RIPOR2: variants seen among roughly 807,000 people sequenced by gnomAD.
The protein encoded by RIPOR2 is RHO family interacting cell polarization regulator 2.
RIPOR2 carries 39 observed loss-of-function variants against 114.5 expected under a neutral mutation model. That is an observed-to-expected ratio of 0.34 (90% CI 0.26 to 0.44). The LOEUF (loss-of-function observed/expected upper bound fraction) is 0.44. Among genes scored for constraint, RIPOR2 ranks in the 20% least tolerant of loss-of-function variants. RIPOR2 has a pLI of 1.00. For synonymous variants in RIPOR2, 445 were observed against 484.4 expected, an observed-to-expected ratio of 0.92 and a Z score of 1.07; for missense variants, 1,007 against 1,255.1, an observed-to-expected ratio of 0.80 and a Z score of 2.99.
intron 1 of RIPOR2, among the ~76,000 whole-genome samples, chr6:24,945,061 C>A (rs1348385155): frequency 1.3e-5 from 2 of 151,770 alleles, no homozygotes; most frequent in African/African-American, 2.4e-5. Context: ...GTGATGGATA[C>A]CCCAATTACT....
chr6:24,938,601 C>T (rs1022671453), upstream of RIPOR2, among the ~76,000 whole-genome samples: 17 of 152,174 alleles, frequency 1.1e-4, no homozygotes, highest in African/African-American at 3.4e-4. Context: ...CTCACAGGGA[C>T]GCTTAGGATA....
intron 1 of RIPOR2, among the ~76,000 whole-genome samples, chr6:24,945,079 G>C (rs1011799643): frequency 6.6e-6 from 1 of 151,938 alleles, no homozygotes; most frequent in African/African-American, 2.4e-5. Flanking sequence ...ACTCTGATTT[G>C]TATATATTCC....
intron 20 of RIPOR2, among the ~76,000 whole-genome samples, chr6:24,817,978 C>CTTTTT (rs57294288): frequency 1.0e-4 from 12 of 118,366 alleles, no homozygotes; most frequent in African/African-American, 3.7e-4. Context: ...CTCTCTCTCT[C>CTTTTT]TTTTTTTTTG....
chr6:24,940,552 T>C (rs1388218159), upstream of RIPOR2, among the ~76,000 whole-genome samples: 3 of 152,148 alleles, frequency 2.0e-5, no homozygotes, highest in East Asian at 3.8e-4. Context: ...AATAATCTTA[T>C]CTTTGGGTAA....
intron 1 of RIPOR2, among the ~76,000 whole-genome samples, chr6:25,035,955 G>C (rs1777228646): frequency 6.6e-6 from 1 of 152,230 alleles, no homozygotes; most frequent in Non-Finnish European, 1.5e-5. Flanking sequence ...TGCACGTGCA[G>C]TGAGGAATAG....
At chr6:24,826,859 G>C (rs1760231911) in intron 18 of RIPOR2, among the ~76,000 whole-genome samples, 1 of 151,806 alleles carries the variant, frequency 6.6e-6, no homozygotes, top group Admixed American at 6.6e-5. Context: ...TAAAAAGTAA[G>C]AGGAGAGATT....
At chr6:24,932,796 T>C (rs1771504429) in intron 1 of RIPOR2, among the ~76,000 whole-genome samples, 1 of 152,236 alleles carries the variant, frequency 6.6e-6, no homozygotes, top group Admixed American at 6.5e-5. Flanking sequence ...CTTCTGGGCA[T>C]TTTCCTTTTT....
At chr6:24,884,435 A>T (rs1462115659) in intron 1 of RIPOR2, among the ~76,000 whole-genome samples, 2 of 152,184 alleles carry the variant, frequency 1.3e-5, no homozygotes, top group Non-Finnish European at 2.9e-5. Flanking sequence ...AAAAATAAAT[A>T]AATTAAGAAA....
rs1765667050 is a variant in RIPOR2 at position 24,875,695 on chromosome 6, A to T, written c.184T>A (p.Ser62Thr). 2 of 1,612,564 alleles carry T rather than the reference A, an allele frequency of 1.2e-6. No homozygotes were observed. The highest frequency in any genetic ancestry group is 1.7e-5 in the Admixed American group (1 of 59,892). Residue 62 changes from serine (S) to threonine (T), a missense_variant, in exon 2 of 22, where the codon TCC (serine) becomes ACC (threonine). Transcript: ENST00000643898. Reference protein sequence around the residue: ...AGFSGLQERRSRCNSFIENSS... With the variant: ...AGFSGLQERRTRCNSFIENSS... ...AGAGAACCACACAGTACTTGCCTGGATCGCCTTTCCTGGAGGCCGCTGAAA... is the reference window on the plus strand; with the variant it reads ...AGAGAACCACACAGTACTTGCCTGGTTCGCCTTTCCTGGAGGCCGCTGAAA...
At chr6:24,864,876 A>G (rs1764424262) in intron 7 of RIPOR2, among the ~76,000 whole-genome samples, 1 of 152,192 alleles carries the variant, frequency 6.6e-6, no homozygotes, top group Admixed American at 6.5e-5. Context: ...GGATAAAACT[A>G]GGCTCGATTT....
intron 19 of RIPOR2, among the ~76,000 whole-genome samples, chr6:24,821,431 G>T (rs539045574): frequency 6.7e-6 from 1 of 149,682 alleles, no homozygotes; most frequent in African/African-American, 2.5e-5. Flanking sequence ...TGATGCGCCC[G>T]CCTCGGCCTC....
intron 1 of RIPOR2, among the ~76,000 whole-genome samples, chr6:24,990,508 A>G (rs778974298): frequency 2.6e-5 from 4 of 152,224 alleles, no homozygotes; most frequent in Admixed American, 6.5e-5. Context: ...GGGCTTCTGA[A>G]AAAAGTGGAC....
chr6:24,859,140 G>T lies in RIPOR2; in HGVS notation c.715+1833C>A, dbSNP rs557468497. Among the ~76,000 whole-genome samples, 292 of 152,262 alleles carry T rather than the reference G, an allele frequency of 1.9e-3. 1 individual carries two copies. The highest frequency in any genetic ancestry group is 6.6e-3 in the African/African-American group (276 of 41,536). ...TGTGACTCCTGGGACAAGTCATTTA[G>T]CCTCTCTAGGCCCCTATTTCCCATC... On this transcript the variant is annotated intron_variant, in intron 8 of 21. Transcript: ENST00000643898.
At chr6:24,927,134 C>CCACCACCACCACTACAACTACAGT (rs1770944338) in intron 1 of RIPOR2, among the ~76,000 whole-genome samples, 2 of 59,352 alleles carry the variant, frequency 3.4e-5, no homozygotes, top group Non-Finnish European at 3.2e-5. Context: ...CATCATCTCA[C>CCACCACCACCACTACAACTACAGT]TACCACCACC....
rs1417758211 is a variant in RIPOR2, at chr6:24,809,763, A to T, written c.2997T>A (p.Asp999Glu). 1 of 1,551,228 alleles carries T rather than the reference A, an allele frequency of 6.4e-7. No individual in the cohort carries two copies. The highest frequency in any genetic ancestry group is 8.7e-7 in the Non-Finnish European group (1 of 1,146,504). The change falls in exon 21 of 22, where the codon GAT becomes GAA. Residue 999 changes from aspartate to glutamate, a missense_variant. By Grantham distance (45) the Asp-to-Glu change is conservative. Transcript: ENST00000643898. The part of the protein sequence containing the change: ...IKMLVTLCQS[D>E]TEEIRNVASE... ...AGGCCACATTTCTGATTTCTTCAGT[A>T]TCAGATTGACACAATGTCACCAGCA...
chr6:24,885,837 C>T (rs1197750398), intron 1 of RIPOR2, among the ~76,000 whole-genome samples: 1 of 152,100 alleles, frequency 6.6e-6, no homozygotes, highest in Non-Finnish European at 1.5e-5. Flanking sequence ...GAGGGAGATA[C>T]ATAAGACAGG....
intron 19 of RIPOR2, among the ~76,000 whole-genome samples, chr6:24,823,754 CTTTTTTAT>C (rs1322886998): frequency 6.6e-6 from 1 of 152,054 alleles, no homozygotes; most frequent in Non-Finnish European, 1.5e-5. Flanking sequence ...GTTGTTATTT[CTTTTTTAT>C]TTTTTTATTT....
rs1484805332 is a variant in RIPOR2 at position 24,927,276 on chromosome 6, C to T, written c.61+8562G>A. ...CCACCACCACCACCACAGCTACAAT[C>T]ACCACCACCACCACCACCACCACCA... On this transcript the variant is annotated intron_variant, in intron 1 of 21. Coordinates refer to ENST00000643898, the MANE Select transcript of RIPOR2 (RefSeq NM_001286445.3). Among the ~76,000 whole-genome samples, 73 of 43,826 alleles carry T rather than the reference C, an allele frequency of 1.7e-3. 12 individuals are homozygous for T. The highest frequency in any genetic ancestry group is 7.8e-3 in the African/African-American group (68 of 8,694). 28.8% of individuals were successfully genotyped at this position (43,826 alleles called of 152,430 possible).
intron 14 of RIPOR2, among the ~76,000 whole-genome samples, chr6:24,838,048 A>G (rs1346849585): frequency 2.0e-5 from 3 of 152,144 alleles, no homozygotes; most frequent in Non-Finnish European, 2.9e-5. Flanking sequence ...ATTTTGCTTT[A>G]TATGTAGTTA....
Sources: gnomAD v4.1 joint callset for allele counts (sites outside exome capture counted in the v4.1 genomes callset) on GRCh38, gnomAD v4.1.1 for gene constraint, MANE v1.5 for transcripts, NCBI Gene and HGNC (gene_info 2026-07-23, HGNC 2026-07-21) for gene names.